SMIM14: variants seen among roughly 807,000 people sequenced by gnomAD.
SMIM14 encodes the protein chromosome 4 open reading frame 34.
A neutral mutation model predicts 12.6 loss-of-function variants in SMIM14; 5 were observed. That is an observed-to-expected ratio of 0.40 (90% CI 0.21 to 0.83). SMIM14 has a LOEUF of 0.83. Ranked by LOEUF, SMIM14 falls within the 40% of genes least tolerant of loss-of-function variation. SMIM14 has a pLI of 0.37. For synonymous variants in SMIM14, 30 were observed against 40.1 expected (o/e 0.75, Z 0.95); for missense variants, 86 against 119.1 (o/e 0.72, Z 1.29).
At chr4:39,586,716 C>A (rs1022326981) in intron 2 of SMIM14, among the ~76,000 whole-genome samples, 3 of 152,104 alleles carry the variant, frequency 2.0e-5, no homozygotes, top group Admixed American at 2.0e-4. Context: ...AAGTCACTTA[C>A]CCGTTTTTAG....
At chr4:39,576,987 A>G (rs1050836315) in intron 2 of SMIM14, among the ~76,000 whole-genome samples, 1 of 151,716 alleles carries the variant, frequency 6.6e-6, no homozygotes, top group Admixed American at 6.6e-5. Flanking sequence ...CTGGGATTAC[A>G]GTCATGAGCC....
chr4:39,628,427 C>G (rs2109254579), intron 1 of SMIM14, among the ~76,000 whole-genome samples: 1 of 152,002 alleles, frequency 6.6e-6, no homozygotes, highest in East Asian at 1.9e-4. Flanking sequence ...GTAATCCCAG[C>G]ACTTTGGGAG....
chr4:39,596,860 T>C (rs1714388268), intron 2 of SMIM14, among the ~76,000 whole-genome samples: 1 of 152,120 alleles, frequency 6.6e-6, no homozygotes, highest in Non-Finnish European at 1.5e-5. Flanking sequence ...ATTGCAGCCT[T>C]GACTTCCCAG....
chr4:39,603,673 G>A (rs942426189), intron 2 of SMIM14, among the ~76,000 whole-genome samples: 1 of 152,064 alleles, frequency 6.6e-6, no homozygotes, highest in Non-Finnish European at 1.5e-5. Flanking sequence ...AAATCTTGTT[G>A]TTCAGAAATC....
At chr4:39,635,881 G>A (rs1052910187) in intron 1 of SMIM14, among the ~76,000 whole-genome samples, 4 of 152,036 alleles carry the variant, frequency 2.6e-5, no homozygotes, top group African/African-American at 4.8e-5. Context: ...TGCATATTAA[G>A]TGTGATGTGG....
intron 4 of SMIM14, 138 bp downstream of exon 4, chr4:39,556,290 G>A (rs1193401962): frequency 4.3e-6 from 3 of 701,618 alleles, no homozygotes; most frequent in Non-Finnish European, 6.6e-6. Flanking sequence ...ATATTTAATA[G>A]AACTACATAG....
At chr4:39,622,752 G>C (rs1715552126) in intron 1 of SMIM14, among the ~76,000 whole-genome samples, 1 of 152,196 alleles carries the variant, frequency 6.6e-6, no homozygotes, top group Admixed American at 6.6e-5. Context: ...TGAAAAGGCT[G>C]AAAGAAAACA....
At chr4:39,627,678 C>A (rs1715750499) in intron 1 of SMIM14, among the ~76,000 whole-genome samples, 1 of 152,160 alleles carries the variant, frequency 6.6e-6, no homozygotes, top group Non-Finnish European at 1.5e-5. Context: ...GTGTGTTCCA[C>A]TGGGGCCAAA....
Position 39,546,852 on chromosome 4 carries a change from G to A in SMIM14, c.*5274C>T, listed in dbSNP as rs1747365767. On this transcript the variant is annotated 3_prime_UTR_variant, in exon 5 of 5. Transcript: ENST00000295958. Reference sequence around the variant, plus strand: ...TGTTACTATTTTTACATGTATATGAGTATTCATGACCTTTAATGTCTGGAC... The same window carrying A: ...TGTTACTATTTTTACATGTATATGAATATTCATGACCTTTAATGTCTGGAC... The A allele has an allele frequency of 6.6e-6, 1 of 152,170 alleles. No homozygotes were observed. Among genetic ancestry groups the A allele is most frequent in the Non-Finnish European group, 1.5e-5 (1 of 68,032 alleles). The allele number at this position is 152,170 out of a possible 1,614,324, so 9.4% of individuals were successfully genotyped here.
chr4:39,614,325 CTTTT>C (rs879697540), intron 1 of SMIM14, among the ~76,000 whole-genome samples: 2 of 144,996 alleles, frequency 1.4e-5, no homozygotes, highest in African/African-American at 2.5e-5. Context: ...TCCTATGCTA[CTTTT>C]TTTTTTTTTG....
Position 39,558,013 on chromosome 4 carries a change from A to G in SMIM14, c.125-1443T>C. Reference sequence around the variant, plus strand: ...CTATTTATCAAGAGAAAAATGCTAGACAGGGATGTATGTGCGTATACAGGC... The same window carrying G: ...CTATTTATCAAGAGAAAAATGCTAGGCAGGGATGTATGTGCGTATACAGGC... On this transcript the variant is annotated intron_variant, in intron 3 of 4. Coordinates refer to ENST00000295958, the MANE Select transcript of SMIM14 (RefSeq NM_174921.3). The surrounding 1 kb of genome is among the most constrained non-coding windows in gnomAD (Gnocchi z 4.3). 6.6e-6 allele frequency among the ~76,000 whole-genome samples: 1 copy of G among 152,140 alleles called. No individual in the cohort carries two copies. Among genetic ancestry groups the G allele is most frequent in the East Asian group, 1.9e-4 (1 of 5,204 alleles).
intron 2 of SMIM14, among the ~76,000 whole-genome samples, chr4:39,603,490 C>T (rs1435514922): frequency 6.6e-6 from 1 of 151,910 alleles, no homozygotes; most frequent in Admixed American, 6.6e-5. Flanking sequence ...ACCTGGGAGG[C>T]GGAGCTTGCA....
At position 39,546,520 on chromosome 4, in the gene SMIM14, C is replaced by G. The variant is rs1426926541; in HGVS notation, c.*5606G>C. 2 of 152,196 alleles carry G rather than the reference C, an allele frequency of 1.3e-5. No individual in the cohort carries two copies. The highest frequency in any genetic ancestry group is 4.8e-5 in the African/African-American group (2 of 41,440). The allele number at this position is 152,196 out of a possible 1,614,324, so 9.4% of individuals were successfully genotyped here. A position where few individuals can be genotyped will look rare whatever the true frequency, so the allele number is the denominator to read the frequency against. ...CATCTTTTGGAGGGGGGGGAACCCC[C>G]AACAACTCTACAAATTGAGATCCAG... is the stretch of plus-strand genomic sequence containing the variant. On this transcript the variant is annotated 3_prime_UTR_variant, in exon 5 of 5. Transcript: ENST00000295958.
At chr4:39,567,475 A>G (rs896834791) in intron 3 of SMIM14, among the ~76,000 whole-genome samples, 4 of 152,148 alleles carry the variant, frequency 2.6e-5, no homozygotes, top group Admixed American at 2.6e-4. Flanking sequence ...ATGGTGGCTC[A>G]CACCTGTAAT....
At chr4:39,606,409 G>C (rs11941805) in intron 1 of SMIM14, among the ~76,000 whole-genome samples, 1 of 151,428 alleles carries the variant, frequency 6.6e-6, no homozygotes, top group Non-Finnish European at 1.5e-5. Flanking sequence ...TTGGGAGGCC[G>C]AGGTGGGTGG....
chr4:39,636,037 A>G (rs1354436121), intron 1 of SMIM14, among the ~76,000 whole-genome samples: 1 of 151,832 alleles, frequency 6.6e-6, no homozygotes, highest in Non-Finnish European at 1.5e-5. Flanking sequence ...GTCGGGCGTG[A>G]TGGTGTGCAC....
intron 1 of SMIM14, among the ~76,000 whole-genome samples, chr4:39,624,430 C>T (rs1715613585): frequency 6.6e-6 from 1 of 152,114 alleles, no homozygotes; most frequent in Admixed American, 6.6e-5. Flanking sequence ...GGACTCATTC[C>T]CCATCTGCCA....
intron 3 of SMIM14, 128 bp downstream of exon 3, chr4:39,572,277 CTTTTTTTTTT>C (rs71192876): frequency 6.2e-5 from 13 of 210,654 alleles, no homozygotes; most frequent in South Asian, 1.4e-4. Flanking sequence ...GTATGTGTCG[CTTTTTTTTTT>C]TTTTTTTTTT....
chr4:39,635,807 T>C (rs1202664664), intron 1 of SMIM14, among the ~76,000 whole-genome samples: 1 of 152,134 alleles, frequency 6.6e-6, no homozygotes, highest in African/African-American at 2.4e-5. Flanking sequence ...TTTCCTTCCA[T>C]AGCAGGCTCT....
Sources: allele counts gnomAD v4.1 joint callset (sites outside exome capture counted in the v4.1 genomes callset), GRCh38; gene constraint gnomAD v4.1.1; non-coding constraint Gnocchi (gnomAD v3.1); transcripts MANE v1.5; gene names NCBI Gene and HGNC (gene_info 2026-07-23, HGNC 2026-07-21).